Variants in APLP2 observed in about 807,000 individuals in gnomAD.
APLP2 encodes CDEI box-binding protein.
Under a neutral mutation model 89.9 loss-of-function variants are expected in APLP2, and 53 were observed. That is an observed-to-expected ratio of 0.59 (90% CI 0.47 to 0.74). The LOEUF is 0.74. Among genes scored for constraint, APLP2 ranks in the 30% least tolerant of loss-of-function variants. The probability of loss-of-function intolerance (pLI) is 0.00; values close to 1 mark genes in which losing one functional copy is unlikely to be tolerated. For missense variants in APLP2, 973 were observed against 975.9 expected (o/e 1.00, Z 0.04); for synonymous variants, 372 against 348.6 (o/e 1.07, Z -0.75).
chr11:130,122,189 T>C, intron 5 of APLP2, 116 bp from the exon 6 acceptor site: 1 of 1,232,428 alleles, frequency 8.1e-7, no homozygotes, highest in South Asian at 1.4e-5. Context: ...CGGTGAAATG[T>C]GCGTTGAGCT....
At position 130,070,849 on chromosome 11, in the gene APLP2, A is replaced by G. The variant is rs546917626; in HGVS notation, c.105+767A>G. On this transcript the variant is annotated intron_variant, in intron 1 of 16. Transcript: ENST00000338167. ...CGTCCTCTTCGGGTGTCAGAATTCC[A>G]TCAGTGGTTGTGCTTCGAGGTCGCA... is the stretch of plus-strand genomic sequence containing the variant. The G allele has an allele frequency of 2.0e-5, 22 of 1,078,692 alleles. No homozygotes were observed. In the African/African-American group the frequency reaches 2.5e-4, roughly 12 times the overall value. The allele number at this position is 1,078,692 out of a possible 1,614,324, so 66.8% of individuals were successfully genotyped here.
At chr11:130,088,816 C>T (rs1042429269) in intron 1 of APLP2, among the ~76,000 whole-genome samples, 5 of 151,532 alleles carry the variant, frequency 3.3e-5, no homozygotes, top group East Asian at 1.9e-4. Context: ...AAAATAGGGA[C>T]GGCCTTCTTT....
rs1187386580 is a variant in APLP2, at chr11:130,123,093, A to G, written c.923-519A>G. ...CCTGCTGATCGTATATTTGAAACCA[A>G]TTAAGATGCGAAGAATTATTTAGGA... is the stretch of plus-strand genomic sequence containing the variant. On this transcript the variant is annotated intron_variant, in intron 6 of 16. Transcript: ENST00000338167. The surrounding 1 kb of genome is among the most constrained non-coding windows in gnomAD (Gnocchi z 4.0). 1.3e-5 allele frequency among the ~76,000 whole-genome samples: 2 copies of G among 152,174 alleles called. No individual in the cohort carries two copies. The highest frequency in any genetic ancestry group is 1.9e-4 in the East Asian group (1 of 5,196).
intron 1 of APLP2, chr11:130,070,453 G>C: frequency 1.7e-6 from 1 of 592,796 alleles, no homozygotes; most frequent in Non-Finnish European, 2.2e-6. Flanking sequence ...CTCTCCCGCC[G>C]GAGTCCGCGG....
chr11:130,126,314 A>C (rs1241975801), intron 7 of APLP2, among the ~76,000 whole-genome samples: 1 of 152,192 alleles, frequency 6.6e-6, no homozygotes, highest in Non-Finnish European at 1.5e-5. Flanking sequence ...ACAGGGTCTG[A>C]TTCCTGCCCT....
chr11:130,077,612 T>TA (rs573298331), intron 1 of APLP2, among the ~76,000 whole-genome samples: 28,602 of 144,650 alleles, frequency 0.2, 3,573 homozygotes, highest in African/African-American at 0.37. Context: ...GTTTTAGCCT[T>TA]AAAAAAAAAA....
rs766138400 is a variant in APLP2 at position 130,130,113 on chromosome 11, T to G, written c.1531T>G (p.Tyr511Asp). The G allele has an allele frequency of 1.9e-6, 3 of 1,614,152 alleles. No homozygotes were observed. The highest frequency in any genetic ancestry group is 2.5e-6 in the Non-Finnish European group (3 of 1,180,056). Reference protein sequence around the residue: ...NKDRLHTIRHYQHVLAVDPEK... With the variant: ...NKDRLHTIRHDQHVLAVDPEK... ...AGATCGCTTACATACCATCCGTCAT[T>G]ACCAGCATGTGTTGGCTGTTGACCC... is the stretch of plus-strand genomic sequence containing the variant. The change falls in exon 11 of 17, where the codon TAC becomes GAC. Residue 511 changes from tyrosine to aspartate, a missense_variant. By Grantham distance (160) the Tyr-to-Asp change is radical (BLOSUM62 -3). Transcript: ENST00000338167.
At chr11:130,081,360 A>G (rs1266013444) in intron 1 of APLP2, among the ~76,000 whole-genome samples, 2 of 152,182 alleles carry the variant, frequency 1.3e-5, no homozygotes, top group African/African-American at 2.4e-5. Flanking sequence ...ATTTTGAGTT[A>G]TTGCATAGGG....
intron 1 of APLP2, among the ~76,000 whole-genome samples, chr11:130,081,630 C>A (rs1052619173): frequency 1.3e-5 from 2 of 152,054 alleles, no homozygotes; most frequent in African/African-American, 4.8e-5. Flanking sequence ...GGTGTTTTCC[C>A]CCCTAAAACA....
chr11:130,104,206 C>CTTTT (rs59598831), intron 1 of APLP2, among the ~76,000 whole-genome samples: 12 of 76,988 alleles, frequency 1.6e-4, no homozygotes, highest in South Asian at 5.2e-4. Flanking sequence ...TGGTACACAT[C>CTTTT]TTTTTTTTTT....
chr11:130,143,116 G>A (rs953457493), intron 16 of APLP2, among the ~76,000 whole-genome samples: 18 of 152,200 alleles, frequency 1.2e-4, no homozygotes, highest in Admixed American at 9.8e-4. Flanking sequence ...GTCATCTTCC[G>A]TGAGGGCTAA....
At chr11:130,101,041 T>TA (rs60861608) in intron 1 of APLP2, among the ~76,000 whole-genome samples, 15,919 of 149,970 alleles carry the variant, frequency 0.11, 1,274 homozygotes, top group African/African-American at 0.22. Context: ...GTTTGGACAG[T>TA]AAAAAAAAAA....
intron 1 of APLP2, among the ~76,000 whole-genome samples, chr11:130,107,990 G>T (rs1484893867): frequency 1.3e-5 from 2 of 152,182 alleles, no homozygotes; most frequent in African/African-American, 4.8e-5. Context: ...AATAAATGGT[G>T]CTGGGAAAAC....
chr11:130,127,922 G>A (rs2298586), intron 9 of APLP2, 82 bp downstream of exon 9: 98,585 of 1,205,954 alleles, frequency 0.082, 10,538 homozygotes, highest in African/African-American at 0.5. Context: ...ACGAAATTAG[G>A]ATTGGACACC....
chr11:130,125,543 TGTC>T (rs1393796207), intron 7 of APLP2, among the ~76,000 whole-genome samples: 5 of 152,360 alleles, frequency 3.3e-5, no homozygotes, highest in African/African-American at 1.2e-4. Context: ...TGACTTTAGT[TGTC>T]GTTTTTAGGT....
At chr11:130,099,827 A>G (rs1056945613) in intron 1 of APLP2, among the ~76,000 whole-genome samples, 1 of 152,156 alleles carries the variant, frequency 6.6e-6, no homozygotes, top group Non-Finnish European at 1.5e-5. Flanking sequence ...GTTCTGCGCA[A>G]TTGCAGCCAG....
At position 130,144,695 on chromosome 11, in the gene APLP2, A is replaced by G. The variant is rs1170390929; in HGVS notation, c.*1247A>G. 1.3e-5 allele frequency: 2 copies of G among 151,382 alleles called. No individual in the cohort carries two copies. Among genetic ancestry groups the G allele is most frequent in the East Asian group, 3.9e-4 (2 of 5,136 alleles). The allele number at this position is 151,382 out of a possible 1,614,324, so 9.4% of individuals were successfully genotyped here. ...TTCCTTTTTCCTCCCCTTTGACCCT[A>G]TTCATGTCTCTACCCACTATGCACA... On this transcript the variant is annotated 3_prime_UTR_variant, in exon 17 of 17. Transcript: ENST00000338167.
intron 1 of APLP2, among the ~76,000 whole-genome samples, chr11:130,081,872 G>C (rs1943211745): frequency 6.6e-6 from 1 of 152,060 alleles, no homozygotes; most frequent in African/African-American, 2.4e-5. Context: ...AATCATTGTA[G>C]CTATATCCCA....
At chr11:130,085,485 A>C (rs1372202274) in intron 1 of APLP2, among the ~76,000 whole-genome samples, 2 of 152,120 alleles carry the variant, frequency 1.3e-5, no homozygotes, top group Non-Finnish European at 2.9e-5. Context: ...CAAAACAAAA[A>C]AAACTTCGAA....
Sources: gnomAD v4.1 joint callset for allele counts (sites outside exome capture counted in the v4.1 genomes callset) on GRCh38, gnomAD v4.1.1 for gene constraint, Gnocchi (gnomAD v3.1) non-coding constraint, MANE v1.5 for transcripts, NCBI Gene and HGNC (gene_info 2026-07-23, HGNC 2026-07-21) for gene names.